C4orf51: variants seen among roughly 807,000 people sequenced by gnomAD.
The protein encoded by C4orf51 is chromosome 4 open reading frame 51, also known as uncharacterized protein C4orf51.
In C4orf51, 25 loss-of-function variants were observed where a neutral mutation model predicts 25.2. That is an observed-to-expected ratio of 0.99 (90% CI 0.72 to 1.39). The LOEUF (loss-of-function observed/expected upper bound fraction) is 1.39. Among genes scored for constraint, C4orf51 ranks in the 40% most tolerant of loss-of-function variants. C4orf51 has a pLI of 0.00. For synonymous variants in C4orf51, 100 were observed against 84.5 expected (o/e 1.18, Z -1.01); for missense variants, 252 against 239.6 (o/e 1.05, Z -0.34).
intron 2 of C4orf51, among the ~76,000 whole-genome samples, chr4:145,704,987 G>A (rs1560834282): frequency 6.6e-6 from 1 of 152,220 alleles, no homozygotes. Flanking sequence ...GGGTTCATAC[G>A]TTAGCATGCT....
chr4:145,703,716 G>A (rs1338402119), intron 2 of C4orf51, among the ~76,000 whole-genome samples: 1 of 152,108 alleles, frequency 6.6e-6, no homozygotes, highest in African/African-American at 2.4e-5. Context: ...ATGTTGTCTA[G>A]GAGTTTCTTG....
At chr4:145,714,877 C>A (rs947685902) in intron 2 of C4orf51, among the ~76,000 whole-genome samples, 2 of 152,158 alleles carry the variant, frequency 1.3e-5, no homozygotes, top group African/African-American at 4.8e-5. Flanking sequence ...TGCGCCCATT[C>A]CACCCCTCTT....
chr4:145,707,881 A>G (rs953635979), intron 2 of C4orf51, among the ~76,000 whole-genome samples: 5 of 152,240 alleles, frequency 3.3e-5, no homozygotes, highest in African/African-American at 1.2e-4. Context: ...TGTTGATGAC[A>G]GTGTCTGATT....
intron 1 of C4orf51, among the ~76,000 whole-genome samples, chr4:145,688,459 T>C (rs746680775): frequency 6.6e-6 from 1 of 152,198 alleles, no homozygotes; most frequent in Non-Finnish European, 1.5e-5. Context: ...TAGGAGGTGA[T>C]TGGATCATGG....
intron 1 of C4orf51, among the ~76,000 whole-genome samples, chr4:145,687,002 T>G (rs1474351360): frequency 8.9e-5 from 11 of 123,502 alleles, no homozygotes; most frequent in South Asian, 2.7e-4. Flanking sequence ...TTGGATCTTG[T>G]GGGGGGGGCG....
chr4:145,785,568 A>G, the C4orf51 span, among the ~76,000 whole-genome samples: 1 of 152,308 alleles, frequency 6.6e-6, no homozygotes, highest in Admixed American at 6.5e-5. Flanking sequence ...GTTGGGCAAC[A>G]GTTTCCACAG....
At position 145,702,865 on chromosome 4, in the gene C4orf51, C is replaced by T. The variant is rs1163726171; in HGVS notation, c.307+6233C>T. On this transcript the variant is annotated intron_variant, in intron 2 of 5. Coordinates refer to ENST00000438731, the MANE Select transcript of C4orf51 (RefSeq NM_001080531.3). The stretch of plus-strand genomic sequence containing the variant: ...CTTCTAACATCCCCACAATATCACC[C>T]CTTACCACAAGACCTCCCTTCAGCT... Among the ~76,000 whole-genome samples the T allele has an allele frequency of 9.3e-5, 12 of 129,394 alleles. No homozygotes were observed. The East Asian group carries it at 2.9e-3, about 31-fold the overall frequency. 84.9% of individuals were successfully genotyped at this position (129,394 alleles called of 152,430 possible).
rs1732366209 is a variant in C4orf51 at position 145,729,911 on chromosome 4, A to G, written c.447A>G (p.Pro149=). The part of the protein sequence containing the change: ...YGKYCVRPKK[P]AQEALINYSR... ...CCCTAGGTGTGAGACCTAAAAAGCC[A>G]GCACAGGAGGCCCTGATAAACTACA... The change falls in exon 5 of 6, where the codon CCA becomes CCG. Residue 149 remains proline (P), a synonymous_variant. Transcript: ENST00000438731. The G allele has an allele frequency of 4.3e-6, 7 of 1,613,868 alleles. No individual in the cohort carries two copies. The highest frequency in any genetic ancestry group is 5.9e-6 in the Non-Finnish European group (7 of 1,179,860).
intron 1 of C4orf51, among the ~76,000 whole-genome samples, chr4:145,740,263 A>T (rs1410926474): frequency 1.4e-5 from 2 of 144,926 alleles, no homozygotes; most frequent in African/African-American, 5.1e-5. Flanking sequence ...AAAAAAAAAA[A>T]AAAAAAAAGA....
chr4:145,712,506 C>T (rs751309199), intron 2 of C4orf51, among the ~76,000 whole-genome samples: 4 of 152,210 alleles, frequency 2.6e-5, no homozygotes, highest in Non-Finnish European at 5.9e-5. Flanking sequence ...TTTTCTTAAG[C>T]CAAAGCCTAA....
At chr4:145,735,362 C>T (rs1243050585), downstream of C4orf51, among the ~76,000 whole-genome samples, 1 of 152,202 alleles carries the variant, frequency 6.6e-6, no homozygotes, top group Non-Finnish European at 1.5e-5. Flanking sequence ...CACACATCCT[C>T]ACATTGTGAG....
intron 2 of C4orf51, among the ~76,000 whole-genome samples, chr4:145,709,054 G>A (rs1170379061): frequency 6.6e-6 from 1 of 152,184 alleles, no homozygotes; most frequent in Non-Finnish European, 1.5e-5. Context: ...ATACTCATGG[G>A]AAGCCTTCAT....
downstream of C4orf51, among the ~76,000 whole-genome samples, chr4:145,734,554 G>T (rs1233489305): frequency 6.6e-6 from 1 of 152,168 alleles, no homozygotes; most frequent in Admixed American, 6.5e-5. Flanking sequence ...CCTGCTCTGT[G>T]CCTCCCTGTT....
chr4:145,765,737 C>A lies in C4orf51; in HGVS notation n.167-5251C>A. The A allele has an allele frequency of 6.2e-7, 1 of 1,612,470 alleles. No homozygotes were observed. The highest frequency in any genetic ancestry group is 8.5e-7 in the Non-Finnish European group (1 of 1,179,264). ...ATTCGCTGGGGGTCTTCCTGTCTTC[C>A]CCTGAAAAATAAGCAAATAACCCAG... On this transcript the variant is annotated intron_variant and non_coding_transcript_variant, in intron 1 of 1. Coordinates refer to the C4orf51 transcript ENST00000510096. This position sits in a 1 kb window ranked among gnomAD's most constrained non-coding sequence, Gnocchi z 4.7.
intron 2 of C4orf51, among the ~76,000 whole-genome samples, chr4:145,720,195 G>T (rs1428715146): frequency 6.6e-6 from 1 of 152,100 alleles, no homozygotes; most frequent in Non-Finnish European, 1.5e-5. Context: ...CTGGCCCTGG[G>T]AGGCGAACAT....
At chr4:145,750,382 T>C (rs1733605209) in intron 1 of C4orf51, among the ~76,000 whole-genome samples, 1 of 151,766 alleles carries the variant, frequency 6.6e-6, no homozygotes, top group South Asian at 2.1e-4. Context: ...TGAAGGATAT[T>C]TTCACCAGAT....
chr4:145,779,229 A>T, the C4orf51 span: 1 of 1,122,300 alleles, frequency 8.9e-7, no homozygotes, highest in Non-Finnish European at 1.2e-6. Flanking sequence ...GGTCTTCTTT[A>T]AACATGCCAG....
rs777261668 is a variant in C4orf51, at chr4:145,681,481, CACTT to C, written c.233+1047_233+1050del. Among the ~76,000 whole-genome samples, 193 of 152,288 alleles carry C rather than the reference CACTT, an allele frequency of 1.3e-3. 1 individual carries two copies. The highest frequency in any genetic ancestry group is 1.7e-3 in the Non-Finnish European group (117 of 68,026). On this transcript the variant is annotated intron_variant, in intron 1 of 5. Transcript: ENST00000438731. Reference sequence around the variant, plus strand: ...TTAAAATAACTCTCAAGTATATTGACACTTAATTAGCTTTGGACATCCCTTTGCT... The same window carrying C: ...TTAAAATAACTCTCAAGTATATTGACAATTAGCTTTGGACATCCCTTTGCT...
chr4:145,694,129 C>G (rs966157834), intron 1 of C4orf51, among the ~76,000 whole-genome samples: 3 of 90,660 alleles, frequency 3.3e-5, no homozygotes. Context: ...GAGGCGCTCC[C>G]CACATCTCAG....
Sources: gnomAD v4.1 joint callset for allele counts (sites outside exome capture counted in the v4.1 genomes callset) on GRCh38, gnomAD v4.1.1 for gene constraint, Gnocchi (gnomAD v3.1) non-coding constraint, MANE v1.5 for transcripts, NCBI Gene and HGNC (gene_info 2026-07-23, HGNC 2026-07-21) for gene names.